The following REV1 variants were observed in gnomAD, a reference collection of about 807,000 sequenced individuals.
REV1 encodes the protein REV1 DNA directed polymerase, also known as translesion synthesis protein REV1.
A neutral mutation model predicts 137.4 loss-of-function variants in REV1; 42 were observed. The observed-to-expected ratio is 0.31, with a 90% confidence interval of 0.24 to 0.40. The LOEUF is 0.40. Ranked by LOEUF, REV1 falls within the 10% of genes least tolerant of loss-of-function variation. The pLI, the probability that REV1 is intolerant of heterozygous loss-of-function variation, is 1.00. For missense variants in REV1, 1,282 were observed against 1,490.1 expected (o/e 0.86, Z 2.30); for synonymous variants, 524 against 519.2 (o/e 1.01, Z -0.12).
rs568523497 is a variant in REV1 at position 99,457,528 on chromosome 2, A to C, written c.181+4968T>G. ...GAAACCCCATCTCTACTAAAAACAC[A>C]CAAAAAATGAGCTGGGCATCATGGC... On this transcript the variant is annotated intron_variant, in intron 3 of 22. Transcript: ENST00000258428. 1.1e-4 allele frequency among the ~76,000 whole-genome samples: 17 copies of C among 152,210 alleles called. No individual in the cohort carries two copies. The East Asian group carries it at 3.1e-3, about 28-fold the overall frequency.
intron 1 of REV1, among the ~76,000 whole-genome samples, chr2:99,476,757 C>T (rs763860295): frequency 2.0e-5 from 3 of 152,180 alleles, no homozygotes; most frequent in Non-Finnish European, 4.4e-5. Flanking sequence ...AGTCCCAGTA[C>T]AAATGCTGGA....
intron 7 of REV1, chr2:99,435,371 A>G (rs1355079174): frequency 6.6e-6 from 1 of 152,560 alleles, no homozygotes; most frequent in Non-Finnish European, 1.5e-5. Context: ...GACTGTCCAG[A>G]CGACTTAACA....
intron 3 of REV1, among the ~76,000 whole-genome samples, chr2:99,456,863 A>C (rs1683591511): frequency 6.6e-6 from 1 of 152,232 alleles, no homozygotes; most frequent in Admixed American, 6.5e-5. Context: ...GCAAAAGAAC[A>C]AACAGAAACA....
In REV1 at chr2:99,411,849, A is replaced by G. The variant is rs370465682; in HGVS notation, c.2172+882T>C. Among the ~76,000 whole-genome samples the G allele has an allele frequency of 9.7e-4, 148 of 152,156 alleles. 1 individual carries two copies. The highest frequency in any genetic ancestry group is 3.4e-3 in the African/African-American group (142 of 41,452). On this transcript the variant is annotated intron_variant, in intron 13 of 22. Coordinates refer to ENST00000258428, the MANE Select transcript of REV1 (RefSeq NM_016316.4). ...TCTATCTCCATGCCTAAGGAAACAA[A>G]ACTCCTGAGGTCCACAGTGTAGGCA...
In REV1 at chr2:99,404,719, T is replaced by A. The variant is rs1676031869; in HGVS notation, c.2812-42A>T. On this transcript the variant is annotated intron_variant, in intron 17 of 22. Transcript: ENST00000258428. ...ATATGAGTAGGAAGTTAAAGCATGC[T>A]CAGAGATGAGGTGTTTGGGAGTTAA... 3 of 1,396,920 alleles carry A rather than the reference T, an allele frequency of 2.1e-6. No homozygotes were observed. In the East Asian group the frequency reaches 6.9e-5, roughly 32 times the overall value. The allele number at this position is 1,396,920 out of a possible 1,614,324, so 86.5% of individuals were successfully genotyped here.
Position 99,435,883 on chromosome 2 carries a change from C to A in REV1, c.1272G>T (p.Met424Ile). ...TACCCACTGATACAAAGAAGCAATC[C>A]ATATCAACATGCATTATACAGCTCT... ...RHQSCIMHVD[M>I]DCFFVSVGIR... is the part of the protein sequence containing the mutation. Residue 424 changes from methionine (M) to isoleucine (I), a missense_variant, in exon 7 of 23, where the codon ATG becomes ATT. Met to Ile is a conservative substitution (Grantham distance 10, BLOSUM62 1). Around this residue, in one of 7 missense-constraint regions of REV1, gnomAD observed 432 missense variants for 438.0 expected, o/e 0.99. Coordinates refer to ENST00000258428, the MANE Select transcript of REV1 (RefSeq NM_016316.4). 1 of 1,608,882 alleles carries A rather than the reference C, an allele frequency of 6.2e-7. No homozygotes were observed. The highest frequency in any genetic ancestry group is 8.5e-7 in the Non-Finnish European group (1 of 1,176,088).
rs1449908399 is a variant in REV1, at chr2:99,404,498, T to C, written c.2991A>G (p.Gln997=). The C allele has an allele frequency of 6.2e-7, 1 of 1,614,102 alleles. No individual in the cohort carries two copies. Among genetic ancestry groups the C allele is most frequent in the Non-Finnish European group, 8.5e-7 (1 of 1,180,044 alleles). ...GTVLLQIPEP[Q]ESNSDAGINL... ...TTATTCCTGCGTCACTGTTCGATTC[T>C]TGAGGTTCTGGTATTTGCAACAAGA... Residue 997 remains glutamine (Q), a synonymous_variant, in exon 18 of 23, where the codon CAA becomes CAG. Coordinates refer to ENST00000258428, the MANE Select transcript of REV1 (RefSeq NM_016316.4).
intron 3 of REV1, among the ~76,000 whole-genome samples, chr2:99,457,314 G>A (rs944558087): frequency 6.6e-5 from 10 of 152,176 alleles, no homozygotes; most frequent in African/African-American, 1.7e-4. Flanking sequence ...AATTCTCCCC[G>A]AACTGATCTA....
At chr2:99,435,650 C>G in intron 7 of REV1, 184 bp downstream of exon 7, 1 of 460,962 alleles carries the variant, frequency 2.2e-6, no homozygotes, top group East Asian at 3.9e-5. Flanking sequence ...CTGAAGATCC[C>G]TATAGGGAGA....
intron 8 of REV1, among the ~76,000 whole-genome samples, chr2:99,432,249 C>A (rs1244532277): frequency 6.6e-6 from 1 of 152,040 alleles, no homozygotes; most frequent in African/African-American, 2.4e-5. Flanking sequence ...AACTAAGAAA[C>A]TAAAGTTTCA....
At chr2:99,461,937 G>A (rs1189514034) in intron 3 of REV1, among the ~76,000 whole-genome samples, 1 of 152,168 alleles carries the variant, frequency 6.6e-6, no homozygotes, top group African/African-American at 2.4e-5. Context: ...CGGACTCAAT[G>A]ACAATAGGCA....
chr2:99,470,720 C>G (rs553741681), intron 1 of REV1, among the ~76,000 whole-genome samples: 66 of 152,312 alleles, frequency 4.3e-4, no homozygotes, highest in African/African-American at 1.5e-3. Flanking sequence ...GCTAGCCAAT[C>G]AGAACAAATA....
rs1675256682 is a variant in REV1 at position 99,400,668 on chromosome 2, G to A, written c.*573C>T. 6.6e-6 allele frequency: 1 copy of A among 152,222 alleles called. No homozygotes were observed. Among genetic ancestry groups the A allele is most frequent in the Non-Finnish European group, 1.5e-5 (1 of 68,048 alleles). The allele number at this position is 152,222 out of a possible 1,614,324, so 9.4% of individuals were successfully genotyped here. A position where few individuals can be genotyped will look rare whatever the true frequency, so the allele number is the denominator to read the frequency against. On this transcript the variant is annotated 3_prime_UTR_variant, in exon 23 of 23. Coordinates refer to ENST00000258428, the MANE Select transcript of REV1 (RefSeq NM_016316.4). ...CCAGGAAAAAAATCTTCAAGTGGGTGTGAGGGTGTTTCTAATTCAAAATAT... is the reference window on the plus strand; with the variant it reads ...CCAGGAAAAAAATCTTCAAGTGGGTATGAGGGTGTTTCTAATTCAAAATAT...
Position 99,406,368 on chromosome 2 carries a change from T to G in REV1, c.2571A>C (p.Gln857His), listed in dbSNP as rs1435617327. 4 of 1,613,508 alleles carry G rather than the reference T, an allele frequency of 2.5e-6. No individual in the cohort carries two copies. The East Asian group carries it at 6.7e-5, about 27-fold the overall frequency. The change falls in exon 16 of 23, where the codon CAA (glutamine) becomes CAC (histidine). Residue 857 changes from glutamine (Q) to histidine (H), a missense_variant. Physicochemically the swap from Gln to His is conservative, Grantham distance 24 (BLOSUM62 0). Transcript: ENST00000258428. ...CGGTGGATTTCTTAGCTTTCTGAAC[T>G]TGGAAGACATCACGGACAGAGTATG... Reference protein sequence around the residue: ...SGSYSVRDVFQVQKAKKSTEE... With the variant: ...SGSYSVRDVFHVQKAKKSTEE...
chr2:99,467,146 T>A (rs1292268721), intron 1 of REV1, among the ~76,000 whole-genome samples: 2 of 152,098 alleles, frequency 1.3e-5, no homozygotes, highest in Admixed American at 1.3e-4. Flanking sequence ...ATTTAAGAGA[T>A]CCAGTTGTGT....
chr2:99,463,142 G>C (rs1253534907), intron 2 of REV1, among the ~76,000 whole-genome samples: 3 of 151,826 alleles, frequency 2.0e-5, no homozygotes, highest in Non-Finnish European at 4.4e-5. Context: ...GGTCAAAGAA[G>C]AATTTTCCCT....
At chr2:99,476,469 T>C (rs942758412) in intron 1 of REV1, among the ~76,000 whole-genome samples, 1 of 151,672 alleles carries the variant, frequency 6.6e-6, no homozygotes, top group Non-Finnish European at 1.5e-5. Flanking sequence ...GGCAGGAGAA[T>C]TGCTTGAACC....
At chr2:99,420,983 T>C (rs1575038278) in intron 11 of REV1, among the ~76,000 whole-genome samples, 1 of 152,098 alleles carries the variant, frequency 6.6e-6, no homozygotes, top group Non-Finnish European at 1.5e-5. Context: ...AAAAGCAGGG[T>C]AAGTGCTGGG....
chr2:99,417,419 C>T (rs750034201), intron 12 of REV1, among the ~76,000 whole-genome samples: 8 of 152,144 alleles, frequency 5.3e-5, no homozygotes, highest in Non-Finnish European at 1.2e-4. Context: ...GCTGGGATTA[C>T]AGGTGTGAGT....
Sources: allele counts gnomAD v4.1 joint callset (sites outside exome capture counted in the v4.1 genomes callset), GRCh38; gene constraint gnomAD v4.1.1; regional missense constraint gnomAD v4.1.1; transcripts MANE v1.5; gene names NCBI Gene and HGNC (gene_info 2026-07-23, HGNC 2026-07-21).